Variants in AOAH observed in about 807,000 individuals in gnomAD.
AOAH encodes acyloxyacyl hydrolase (neutrophil).
A neutral mutation model predicts 92.2 loss-of-function variants in AOAH; 64 were observed. The observed-to-expected ratio is 0.69, with a 90% CI of 0.57 to 0.86. The LOEUF (loss-of-function observed/expected upper bound fraction) is 0.86, where lower values mean the gene tolerates loss of function less well. Among genes scored for constraint, AOAH ranks in the 40% least tolerant of loss-of-function variants. AOAH has a pLI of 0.00. For synonymous variants in AOAH, 263 were observed against 254.5 expected, an observed-to-expected ratio of 1.03 and a Z score of -0.32; for missense variants, 656 against 694.6, an observed-to-expected ratio of 0.94 and a Z score of 0.62.
At chr7:36,692,915 C>A (rs1797498339) in intron 1 of AOAH, among the ~76,000 whole-genome samples, 1 of 152,084 alleles carries the variant, frequency 6.6e-6, no homozygotes. Context: ...CTCAGAGGAG[C>A]TGAGTCTTAA....
chr7:36,701,227 A>G (rs1038153359), intron 1 of AOAH, among the ~76,000 whole-genome samples: 7 of 152,038 alleles, frequency 4.6e-5, no homozygotes, highest in East Asian at 1.9e-4. Flanking sequence ...CACATGGTCA[A>G]TCCTGGAGAA....
chr7:36,664,140 T>G (rs1795394381), intron 3 of AOAH, among the ~76,000 whole-genome samples: 1 of 152,152 alleles, frequency 6.6e-6, no homozygotes, highest in Admixed American at 6.5e-5. Context: ...ATATATACTT[T>G]GCAAATAGTT....
intron 19 of AOAH, among the ~76,000 whole-genome samples, chr7:36,524,913 A>G (rs906949241): frequency 1.3e-5 from 2 of 152,194 alleles, no homozygotes; most frequent in African/African-American, 2.4e-5. Flanking sequence ...ATGGTATTTT[A>G]TTACAGCATT....
chr7:36,671,891 G>GAGCC (rs1244683683), intron 3 of AOAH, among the ~76,000 whole-genome samples: 3 of 152,172 alleles, frequency 2.0e-5, no homozygotes, highest in Non-Finnish European at 4.4e-5. Flanking sequence ...AGTTCCTGAT[G>GAGCC]AGCCTTGTGT....
chr7:36,697,282 T>C (rs1193554988), intron 1 of AOAH, among the ~76,000 whole-genome samples: 1 of 152,242 alleles, frequency 6.6e-6, no homozygotes, highest in Non-Finnish European at 1.5e-5. Context: ...ATAATTTTCC[T>C]ACTTCTATTG....
intron 4 of AOAH, among the ~76,000 whole-genome samples, chr7:36,650,021 T>C (rs567790117): frequency 6.6e-6 from 1 of 152,266 alleles, no homozygotes; most frequent in South Asian, 2.1e-4. Context: ...TGGCCCAAGA[T>C]TCCATTCCTT....
chr7:36,724,054 C>A lies in AOAH; in HGVS notation c.95G>T (p.Arg32Met). The part of the protein sequence containing the change: ...SASPANDDQS[R>M]PSLSNGHTCV... The stretch of plus-strand genomic sequence containing the variant: ...GGTGTGCCCATTCGAGAGGCTGGGC[C>A]TGGACTGGTCATCGTTGGCTGGAGA... The change falls in exon 1 of 21, where the codon AGG (arginine) becomes ATG (methionine). Residue 32 changes from arginine to methionine, a missense_variant. Physicochemically the swap from Arg to Met is moderately conservative, Grantham distance 91 (BLOSUM62 -1). Coordinates refer to ENST00000617537, the MANE Select transcript of AOAH (RefSeq NM_001637.4). 1 of 1,613,616 alleles carries A rather than the reference C, an allele frequency of 6.2e-7. No individual in the cohort carries two copies. Among genetic ancestry groups the A allele is most frequent in the Non-Finnish European group, 8.5e-7 (1 of 1,179,726 alleles).
intron 11 of AOAH, among the ~76,000 whole-genome samples, chr7:36,602,360 G>T (rs1245701077): frequency 6.6e-6 from 1 of 151,370 alleles, no homozygotes; most frequent in Non-Finnish European, 1.5e-5. Context: ...TGAGTCGAGG[G>T]ATGCATTTCT....
chr7:36,627,130 T>A (rs1792719128), intron 6 of AOAH, among the ~76,000 whole-genome samples: 1 of 152,180 alleles, frequency 6.6e-6, no homozygotes, highest in Non-Finnish European at 1.5e-5. Flanking sequence ...AAGATACAGT[T>A]CCTACAGTTC....
chr7:36,625,926 G>T (rs923400305), intron 6 of AOAH, among the ~76,000 whole-genome samples: 1 of 152,118 alleles, frequency 6.6e-6, no homozygotes, highest in African/African-American at 2.4e-5. Flanking sequence ...AACTACAAAT[G>T]GTTTTCTCTC....
At chr7:36,531,692 A>C (rs1784697903) in intron 18 of AOAH, among the ~76,000 whole-genome samples, 1 of 152,188 alleles carries the variant, frequency 6.6e-6, no homozygotes, top group Non-Finnish European at 1.5e-5. Flanking sequence ...CTGTGAAAGA[A>C]GTGTAAACCA....
At chr7:36,517,672 C>T (rs1583708819) in intron 20 of AOAH, among the ~76,000 whole-genome samples, 1 of 138,242 alleles carries the variant, frequency 7.2e-6, no homozygotes, top group African/African-American at 2.7e-5. Flanking sequence ...GTGATCTCGG[C>T]TCACTGTAAC....
Position 36,625,527 on chromosome 7 carries a change from G to A in AOAH, c.522-2277C>T, listed in dbSNP as rs537576325. ...GATTATGAGTGCCTGCTGTCCGAAA[G>A]AGGAAATTCACCTCCCCCTTCCATT... On this transcript the variant is annotated intron_variant, in intron 6 of 20. Transcript: ENST00000617537. Among the ~76,000 whole-genome samples, 34 of 152,322 alleles carry A rather than the reference G, an allele frequency of 2.2e-4. No homozygotes were observed. In the South Asian group the frequency reaches 2.5e-3, roughly 11 times the overall value.
At chr7:36,539,449 T>C (rs1430584933) in intron 16 of AOAH, among the ~76,000 whole-genome samples, 1 of 152,250 alleles carries the variant, frequency 6.6e-6, no homozygotes, top group East Asian at 1.9e-4. Flanking sequence ...TTTCTTCCTG[T>C]GGCACTTATC....
chr7:36,536,073 G>A (rs79852336), intron 16 of AOAH, among the ~76,000 whole-genome samples: 599 of 152,268 alleles, frequency 3.9e-3, no homozygotes, highest in African/African-American at 0.014. Context: ...GGAGAGATTC[G>A]TCACCCCCTT....
intron 11 of AOAH, among the ~76,000 whole-genome samples, chr7:36,598,900 T>G (rs1405827980): frequency 6.6e-6 from 1 of 152,228 alleles, no homozygotes; most frequent in Non-Finnish European, 1.5e-5. Context: ...CCTCATCAAC[T>G]CCTGCTTATT....
At chr7:36,648,988 G>T (rs1015460857) in intron 4 of AOAH, among the ~76,000 whole-genome samples, 8 of 151,782 alleles carry the variant, frequency 5.3e-5, no homozygotes, top group African/African-American at 1.7e-4. Context: ...TCTCTGTAAA[G>T]TTAAGATAAT....
At chr7:36,664,890 G>C (rs544415403) in intron 3 of AOAH, among the ~76,000 whole-genome samples, 5 of 152,184 alleles carry the variant, frequency 3.3e-5, no homozygotes, top group Middle Eastern at 3.2e-3. Flanking sequence ...AGAATGAAGA[G>C]AGCAGGAGTG....
intron 10 of AOAH, among the ~76,000 whole-genome samples, chr7:36,616,689 T>C (rs1225458961): frequency 2.0e-5 from 3 of 152,288 alleles, no homozygotes; most frequent in East Asian, 1.9e-4. Flanking sequence ...AGCTAAGATG[T>C]AGAGATGCAG....
Sources: gnomAD v4.1 joint callset for allele counts (sites outside exome capture counted in the v4.1 genomes callset) on GRCh38, gnomAD v4.1.1 for gene constraint, MANE v1.5 for transcripts, NCBI Gene and HGNC (gene_info 2026-07-23, HGNC 2026-07-21) for gene names.